Variants in JPH1 observed in about 807,000 individuals in gnomAD.
JPH1 encodes the protein junctophilin-1.
In JPH1, 12 loss-of-function variants were observed where a neutral mutation model predicts 53.6. The ratio of observed to expected loss-of-function variants is 0.22; its 90% CI spans 0.14 to 0.36. The LOEUF is 0.36. Among genes scored for constraint, JPH1 ranks in the 10% least tolerant of loss-of-function variants. The probability of loss-of-function intolerance (pLI) is 1.00; values close to 1 mark genes in which losing one functional copy is unlikely to be tolerated. For missense variants in JPH1, 808 were observed against 905.5 expected, an observed-to-expected ratio of 0.89 and a Z score of 1.38; for synonymous variants, 375 against 363.8, an observed-to-expected ratio of 1.03 and a Z score of -0.35.
At position 74,315,251 on chromosome 8, in the gene JPH1, G is replaced by C. The variant is rs148741540; in HGVS notation, c.749C>G (p.Ser250Cys). 2.2e-5 allele frequency: 35 copies of C among 1,614,082 alleles called. No homozygotes were observed. In the Admixed American group the frequency reaches 5.8e-4, roughly 27 times the overall value. The change falls in exon 2 of 6, where the codon TCC becomes TGC. Residue 250 changes from serine to cysteine, a missense_variant. This residue lies in a region of JPH1 where 756 missense variants were observed against 811.9 expected (regional missense o/e 0.93). Transcript: ENST00000342232. The surrounding 1 kb of genome is among the most constrained non-coding windows in gnomAD (Gnocchi z 6.3). ...RSDAAMSRISSSDANSTISFG... is the reference protein window; with the variant it reads ...RSDAAMSRISCSDANSTISFG... ...GCTGATCGTGGAGTTGGCATCGCTGGAACTAATTCTGCTCATGGCCGCGTC... is the reference window on the plus strand; with the variant it reads ...GCTGATCGTGGAGTTGGCATCGCTGCAACTAATTCTGCTCATGGCCGCGTC...
chr8:74,242,751 G>A (rs1474170114), intron 4 of JPH1, among the ~76,000 whole-genome samples: 12 of 152,342 alleles, frequency 7.9e-5, no homozygotes, highest in Admixed American at 1.3e-4. Flanking sequence ...GGGTAGCTGC[G>A]GAGCTGCTGG....
At chr8:74,278,382 C>A (rs779551987) in intron 2 of JPH1, among the ~76,000 whole-genome samples, 17 of 152,186 alleles carry the variant, frequency 1.1e-4, no homozygotes, top group Non-Finnish European at 2.5e-4. Context: ...CCAGGATTCA[C>A]TGGTCCAGAA....
intron 2 of JPH1, among the ~76,000 whole-genome samples, chr8:74,292,391 G>T (rs886748887): frequency 6.6e-6 from 1 of 152,112 alleles, no homozygotes. Context: ...AATAAGCAAG[G>T]GGCTTGGTCT....
At chr8:74,286,258 G>A (rs748110080) in intron 2 of JPH1, among the ~76,000 whole-genome samples, 3 of 151,808 alleles carry the variant, frequency 2.0e-5, no homozygotes, top group South Asian at 2.1e-4. Flanking sequence ...TTTTTTCTGC[G>A]TTTCTTCTTA....
intron 4 of JPH1, among the ~76,000 whole-genome samples, chr8:74,244,316 G>A (rs1342463740): frequency 1.3e-5 from 2 of 152,148 alleles, no homozygotes; most frequent in East Asian, 3.9e-4. Flanking sequence ...CTAAAGTGGG[G>A]CTGGGTGAAC....
intron 3 of JPH1, among the ~76,000 whole-genome samples, chr8:74,252,758 A>G (rs1806102742): frequency 1.3e-5 from 2 of 152,136 alleles, no homozygotes; most frequent in African/African-American, 4.8e-5. Context: ...AGTCTCAGAT[A>G]AAACAGACTA....
rs961097882 is a variant in JPH1 at position 74,236,562 on chromosome 8, A to G, written c.*489T>C. ...ATGTTGGAACCACGTCCACAGCAAC[A>G]CAATCCTCCGACCGCATTCCTCGGG... On this transcript the variant is annotated 3_prime_UTR_variant, in exon 6 of 6. Coordinates refer to ENST00000342232, the MANE Select transcript of JPH1 (RefSeq NM_020647.4). The G allele has an allele frequency of 1.3e-5, 2 of 152,382 alleles. No individual in the cohort carries two copies. The highest frequency in any genetic ancestry group is 4.8e-5 in the African/African-American group (2 of 41,338). 9.4% of individuals were successfully genotyped at this position (152,382 alleles called of 1,614,324 possible).
chr8:74,311,282 A>G (rs978648949), intron 2 of JPH1, among the ~76,000 whole-genome samples: 2 of 152,218 alleles, frequency 1.3e-5, no homozygotes, highest in African/African-American at 2.4e-5. Flanking sequence ...TTCTGTCTGC[A>G]CTGGGCTAGG....
intron 2 of JPH1, among the ~76,000 whole-genome samples, chr8:74,307,943 T>C (rs918885222): frequency 3.9e-5 from 6 of 152,226 alleles, no homozygotes; most frequent in South Asian, 2.1e-4. Flanking sequence ...ATAATGTGCA[T>C]TGACTCATAG....
chr8:74,264,878 G>C (rs1280585235), intron 2 of JPH1, among the ~76,000 whole-genome samples: 1 of 152,106 alleles, frequency 6.6e-6, no homozygotes, highest in Non-Finnish European at 1.5e-5. Context: ...TTACAGTCTG[G>C]TGCCAGGAAA....
chr8:74,280,046 T>C (rs1381043840), intron 2 of JPH1, among the ~76,000 whole-genome samples: 1 of 152,176 alleles, frequency 6.6e-6, no homozygotes, highest in Non-Finnish European at 1.5e-5. Flanking sequence ...GAGAGGCAAA[T>C]ATACCTTCTA....
chr8:74,277,124 A>T (rs1235612209), intron 2 of JPH1, among the ~76,000 whole-genome samples: 1 of 152,208 alleles, frequency 6.6e-6, no homozygotes, highest in African/African-American at 2.4e-5. Flanking sequence ...CAGGTGATGC[A>T]GGCCAAACCC....
intron 3 of JPH1, among the ~76,000 whole-genome samples, chr8:74,247,394 C>T (rs937687692): frequency 2.6e-5 from 4 of 152,118 alleles, no homozygotes; most frequent in Admixed American, 6.5e-5. Flanking sequence ...TTGGAGCCAA[C>T]GGACTTTTAA....
At chr8:74,297,527 A>T (rs970063960) in intron 2 of JPH1, among the ~76,000 whole-genome samples, 4 of 152,194 alleles carry the variant, frequency 2.6e-5, no homozygotes, top group African/African-American at 9.7e-5. Context: ...TCTTTGCCCT[A>T]CCGACTCCAT....
intron 4 of JPH1, among the ~76,000 whole-genome samples, chr8:74,242,756 T>C (rs1805733668): frequency 6.6e-6 from 1 of 152,256 alleles, no homozygotes; most frequent in African/African-American, 2.4e-5. Flanking sequence ...GCTGCGGAGC[T>C]GCTGGGGCTT....
chr8:74,240,129 GC>G (rs1394955179), intron 4 of JPH1, among the ~76,000 whole-genome samples: 2 of 151,946 alleles, frequency 1.3e-5, no homozygotes, highest in Non-Finnish European at 2.9e-5. Context: ...TCACTACGAT[GC>G]CCAGCTAACT....
rs1808113455 is a variant in JPH1, at chr8:74,315,282, G to A, written c.718C>T (p.Arg240Cys). 1 of 1,614,110 alleles carries A rather than the reference G, an allele frequency of 6.2e-7. No homozygotes were observed. The highest frequency in any genetic ancestry group is 8.5e-7 in the Non-Finnish European group (1 of 1,180,026). ...SSISSKRSSVRSDAAMSRISS... is the reference protein window; with the variant it reads ...SSISSKRSSVCSDAAMSRISS... ...ATTCTGCTCATGGCCGCGTCGCTGC[G>A]GACAGAGCTGCGCTTGCTCGAGATG... The change falls in exon 2 of 6, where the codon CGC becomes TGC. Residue 240 changes from arginine to cysteine, a missense_variant. Coordinates refer to ENST00000342232, the MANE Select transcript of JPH1 (RefSeq NM_020647.4). The surrounding 1 kb of genome is among the most constrained non-coding windows in gnomAD (Gnocchi z 6.3).
chr8:74,241,409 T>C (rs2131374505), intron 4 of JPH1, among the ~76,000 whole-genome samples: 1 of 152,308 alleles, frequency 6.6e-6, no homozygotes, highest in South Asian at 2.1e-4. Context: ...CTGTCTTGCT[T>C]TTCAAGACTG....
chr8:74,287,657 T>C (rs545838871), intron 2 of JPH1, among the ~76,000 whole-genome samples: 1 of 151,928 alleles, frequency 6.6e-6, no homozygotes, highest in East Asian at 1.9e-4. Context: ...AATTTAACAA[T>C]TAGTCTAGTT....
Sources: gnomAD v4.1 joint callset for allele counts (sites outside exome capture counted in the v4.1 genomes callset) on GRCh38, gnomAD v4.1.1 for gene constraint, gnomAD v4.1.1 regional missense constraint, Gnocchi (gnomAD v3.1) non-coding constraint, MANE v1.5 for transcripts, NCBI Gene and HGNC (gene_info 2026-07-23, HGNC 2026-07-21) for gene names.